The following CDH2 variants were observed in gnomAD, a reference collection of about 807,000 sequenced individuals.
The protein encoded by CDH2 is cadherin-2.
In CDH2, 17 loss-of-function variants were observed where a neutral mutation model predicts 92.0. The observed-to-expected ratio is 0.18, with a 90% confidence interval of 0.13 to 0.28. The LOEUF is 0.28. Ranked by LOEUF, CDH2 falls within the 10% of genes least tolerant of loss-of-function variation. CDH2 has a pLI of 1.00. For synonymous variants in CDH2, 419 were observed against 415.9 expected (o/e 1.01, Z -0.09); for missense variants, 862 against 1,133.1 (o/e 0.76, Z 3.44).
At chr18:28,067,770 T>C (rs2014537662) in intron 2 of CDH2, among the ~76,000 whole-genome samples, 1 of 152,172 alleles carries the variant, frequency 6.6e-6, no homozygotes, top group Non-Finnish European at 1.5e-5. Flanking sequence ...AATAATTTAC[T>C]TTGTGTTCAA....
intron 2 of CDH2, among the ~76,000 whole-genome samples, chr18:28,061,929 T>C (rs2014411142): frequency 6.6e-6 from 1 of 152,038 alleles, no homozygotes; most frequent in Admixed American, 6.5e-5. Context: ...CCATGACACA[T>C]GGGGGTTATG....
At chr18:28,096,475 AAC>A in intron 2 of CDH2, among the ~76,000 whole-genome samples, 1 of 152,140 alleles carries the variant, frequency 6.6e-6, no homozygotes, top group South Asian at 2.1e-4. Flanking sequence ...ATTAATTAGT[AAC>A]ACATTTCTGG....
At chr18:27,990,435 C>G (rs1227135594) in intron 9 of CDH2, 85 bp from the exon 10 acceptor site, 8 of 1,315,344 alleles carry the variant, frequency 6.1e-6, no homozygotes. Context: ...ACTCCATTTC[C>G]AAAAAATTAA....
At chr18:28,176,668 C>T (rs1175001876) in intron 1 of CDH2, among the ~76,000 whole-genome samples, 1 of 151,860 alleles carries the variant, frequency 6.6e-6, no homozygotes, top group East Asian at 1.9e-4. Flanking sequence ...TGCCTGGGGA[C>T]ACCCCCCGCG....
At chr18:28,161,333 C>A (rs910406558) in intron 1 of CDH2, among the ~76,000 whole-genome samples, 5 of 152,136 alleles carry the variant, frequency 3.3e-5, no homozygotes, top group Admixed American at 6.5e-5. Context: ...AATCCCAGCA[C>A]TTTGGTAGGC....
chr18:28,065,789 T>C (rs17446211), intron 2 of CDH2, among the ~76,000 whole-genome samples: 1 of 152,322 alleles, frequency 6.6e-6, no homozygotes, highest in Non-Finnish European at 1.5e-5. Context: ...ATCTGAGAAG[T>C]ATACGAAGAT....
At chr18:27,949,291 TTTA>T (rs1173067624), downstream of CDH2, among the ~76,000 whole-genome samples, 1 of 151,734 alleles carries the variant, frequency 6.6e-6, no homozygotes, top group South Asian at 2.1e-4. Context: ...TGCTAAAACA[TTTA>T]TTATTTCAGC....
chr18:28,157,612 T>C (rs549290781), intron 1 of CDH2, among the ~76,000 whole-genome samples: 4 of 152,292 alleles, frequency 2.6e-5, no homozygotes, highest in Non-Finnish European at 4.4e-5. Context: ...TTCACATACA[T>C]TGACACATAG....
intron 7 of CDH2, among the ~76,000 whole-genome samples, chr18:28,002,538 T>C (rs1344898290): frequency 6.6e-6 from 1 of 152,184 alleles, no homozygotes; most frequent in African/African-American, 2.4e-5. Context: ...ATAAAGAAGA[T>C]AATCTACTAT....
At chr18:27,936,934 C>G (rs749492165) in intron 6 of CDH2, among the ~76,000 whole-genome samples, 2 of 152,152 alleles carry the variant, frequency 1.3e-5, no homozygotes, top group Non-Finnish European at 2.9e-5. Flanking sequence ...AAAACACTCT[C>G]AAGTTTTAGA....
chr18:28,123,005 T>C lies in CDH2; in HGVS notation c.172+24668A>G, dbSNP rs1349802442. Among the ~76,000 whole-genome samples, 4 of 152,152 alleles carry C rather than the reference T, an allele frequency of 2.6e-5. No individual in the cohort carries two copies. The South Asian group carries it at 8.3e-4, about 32-fold the overall frequency. On this transcript the variant is annotated intron_variant, in intron 2 of 15. Coordinates refer to ENST00000269141, the MANE Select transcript of CDH2 (RefSeq NM_001792.5). ...AAAGTTTGTGAAAAATGTTAAGATA[T>C]GGTAGCCAACAAGGTGACAAATTGT...
At chr18:28,009,668 A>G in intron 5 of CDH2, 49 bp downstream of exon 5, 1 of 1,559,066 alleles carries the variant, frequency 6.4e-7, no homozygotes, top group Non-Finnish European at 8.8e-7. Flanking sequence ...AACTCTGCAG[A>G]CATTTAGAAC....
chr18:28,060,974 C>T (rs577693644), intron 2 of CDH2, among the ~76,000 whole-genome samples: 1 of 152,304 alleles, frequency 6.6e-6, no homozygotes, highest in East Asian at 1.9e-4. Context: ...TCATACCAAT[C>T]TTACACCTCT....
chr18:28,070,038 G>T (rs530111616), intron 2 of CDH2, among the ~76,000 whole-genome samples: 15 of 152,182 alleles, frequency 9.9e-5, no homozygotes, highest in African/African-American at 3.4e-4. Flanking sequence ...AGGAAACACG[G>T]CAACTAACCA....
chr18:28,117,894 G>A (rs1247545290), intron 2 of CDH2, among the ~76,000 whole-genome samples: 2 of 151,938 alleles, frequency 1.3e-5, no homozygotes, highest in Admixed American at 1.3e-4. Context: ...TAGTATGTTA[G>A]GCCACCTGTC....
intron 2 of CDH2, among the ~76,000 whole-genome samples, chr18:28,108,342 C>T (rs2015356496): frequency 6.6e-6 from 1 of 152,158 alleles, no homozygotes; most frequent in Non-Finnish European, 1.5e-5. Context: ...ATCATTAACT[C>T]TTTCTGGTCA....
chr18:28,136,974 A>G (rs928677654), intron 2 of CDH2, among the ~76,000 whole-genome samples: 2 of 152,220 alleles, frequency 1.3e-5, no homozygotes, highest in African/African-American at 4.8e-5. Flanking sequence ...CTATTGGGTT[A>G]GAAGAGTTAA....
chr18:28,173,181 T>C (rs927853840), intron 1 of CDH2, among the ~76,000 whole-genome samples: 3 of 152,144 alleles, frequency 2.0e-5, no homozygotes, highest in African/African-American at 7.2e-5. Context: ...CAGACTTTGA[T>C]GAAAGTATAA....
At chr18:28,003,252 A>T in intron 6 of CDH2, 83 bp from the exon 7 acceptor site, 1 of 1,036,760 alleles carries the variant, frequency 9.6e-7, no homozygotes, top group Non-Finnish European at 1.4e-6. Flanking sequence ...TTGTTTTGAT[A>T]TGTCTTATTT....
Sources: gnomAD v4.1 joint callset for allele counts (sites outside exome capture counted in the v4.1 genomes callset) on GRCh38, gnomAD v4.1.1 for gene constraint, MANE v1.5 for transcripts, NCBI Gene and HGNC (gene_info 2026-07-23, HGNC 2026-07-21) for gene names.